Variants in ST18 observed in about 807,000 individuals in gnomAD.
ST18 encodes the protein suppression of tumorigenicity 18 protein.
In ST18, 50 loss-of-function variants were observed where a neutral mutation model predicts 110.0. The ratio of observed to expected loss-of-function variants is 0.45; its 90% CI spans 0.36 to 0.58. The LOEUF (loss-of-function observed/expected upper bound fraction) is 0.58. ST18 is among the 20% of genes least tolerant of loss of function. The probability of loss-of-function intolerance (pLI) is 0.00; values close to 1 mark genes in which losing one functional copy is unlikely to be tolerated. For missense variants in ST18, 1,306 were observed against 1,280.1 expected (o/e 1.02, Z -0.31); for synonymous variants, 461 against 452.4 (o/e 1.02, Z -0.24).
chr8:52,313,186 C>G (rs978058306), intron 2 of ST18: 1 of 152,774 alleles, frequency 6.5e-6, no homozygotes, highest in African/African-American at 2.4e-5. Context: ...GTACCTTGAA[C>G]TCTTTCATGA....
At chr8:52,370,670 C>T (rs550580306) in intron 2 of ST18, among the ~76,000 whole-genome samples, 15 of 152,276 alleles carry the variant, frequency 9.9e-5, no homozygotes, top group African/African-American at 1.7e-4. Context: ...TTCCTCATGA[C>T]GGCCTGCATC....
chr8:52,260,554 T>C (rs1326258350), intron 2 of ST18, among the ~76,000 whole-genome samples: 1 of 152,086 alleles, frequency 6.6e-6, no homozygotes, highest in Non-Finnish European at 1.5e-5. Context: ...TCCTGAAGTG[T>C]TCAACTACTT....
intron 22 of ST18, among the ~76,000 whole-genome samples, chr8:52,129,010 A>G (rs1439436920): frequency 6.6e-6 from 1 of 152,182 alleles, no homozygotes; most frequent in East Asian, 1.9e-4. Flanking sequence ...TATGTAACAT[A>G]TAAAAGCCAG....
chr8:52,336,583 G>C (rs1380702781), intron 2 of ST18, among the ~76,000 whole-genome samples: 3 of 152,188 alleles, frequency 2.0e-5, no homozygotes, highest in African/African-American at 7.2e-5. Context: ...AAAAGCAATG[G>C]CACCAGTATT....
At chr8:52,161,605 A>G (rs778049370) in intron 13 of ST18, 37 bp from the exon 14 acceptor site, 19 of 1,605,984 alleles carry the variant, frequency 1.2e-5, no homozygotes, top group Middle Eastern at 1.7e-4. Context: ...AAGAAATACA[A>G]TGAAACTACT....
intron 2 of ST18, among the ~76,000 whole-genome samples, chr8:52,258,469 G>A (rs933234078): frequency 6.6e-6 from 1 of 152,082 alleles, no homozygotes; most frequent in Admixed American, 6.5e-5. Flanking sequence ...TTTTTATGGT[G>A]TTCAGAGTTA....
chr8:52,230,335 TTATAAG>T (rs377461153), intron 2 of ST18, among the ~76,000 whole-genome samples: 1 of 152,140 alleles, frequency 6.6e-6, no homozygotes, highest in South Asian at 2.1e-4. Flanking sequence ...ACCCTTTTGT[TTATAAG>T]TATATTTGAG....
At chr8:52,151,452 A>G (rs1457682808) in intron 15 of ST18, among the ~76,000 whole-genome samples, 2 of 152,246 alleles carry the variant, frequency 1.3e-5, no homozygotes, top group African/African-American at 4.8e-5. Context: ...CTCTCGTGAT[A>G]GTTTTAAGCC....
At chr8:52,231,011 C>T (rs1176255039) in intron 2 of ST18, among the ~76,000 whole-genome samples, 1 of 152,084 alleles carries the variant, frequency 6.6e-6, no homozygotes, top group Non-Finnish European at 1.5e-5. Flanking sequence ...GAAACAGACC[C>T]CCAAAATATC....
At chr8:52,356,635 A>G (rs1822871095) in intron 2 of ST18, among the ~76,000 whole-genome samples, 1 of 152,186 alleles carries the variant, frequency 6.6e-6, no homozygotes, top group South Asian at 2.1e-4. Context: ...GATTATGGTC[A>G]TTGAGGAAGC....
chr8:52,329,966 C>T (rs982974893), intron 2 of ST18, among the ~76,000 whole-genome samples: 1 of 152,106 alleles, frequency 6.6e-6, no homozygotes, highest in Non-Finnish European at 1.5e-5. Context: ...CTATGGAGTG[C>T]CACGGTGGGC....
At chr8:52,345,139 T>A (rs1322144714) in intron 2 of ST18, among the ~76,000 whole-genome samples, 1 of 152,140 alleles carries the variant, frequency 6.6e-6, no homozygotes, top group Non-Finnish European at 1.5e-5. Context: ...TTTAAAAATG[T>A]TTCAAGTATT....
chr8:52,309,454 G>A (rs2139681604), intron 2 of ST18, among the ~76,000 whole-genome samples: 1 of 144,822 alleles, frequency 6.9e-6, no homozygotes, highest in East Asian at 2.1e-4. Context: ...CTGGGAAGTG[G>A]AGTTTGCAGT....
At position 52,409,666 on chromosome 8, in the gene ST18, A is replaced by AT. The variant is rs953275540; in HGVS notation, c.-709dup. ...TAAAACACCCACAGTTACCTCAATT[A>AT]TTTTTCTCTCCTTACCTCTAGTATT... On this transcript the variant is annotated 5_prime_UTR_variant, in exon 1 of 26. An upstream open reading frame in the 5' UTR loses its in-frame stop. Coordinates refer to ENST00000689386, the MANE Select transcript of ST18 (RefSeq NM_001352837.2). The AT allele has an allele frequency of 2.0e-5, 3 of 152,008 alleles. No individual in the cohort carries two copies. Among genetic ancestry groups the AT allele is most frequent in the African/African-American group, 7.3e-5 (3 of 41,368 alleles). The allele number at this position is 152,008 out of a possible 1,614,324, so 9.4% of individuals were successfully genotyped here.
chr8:52,263,241 C>A (rs943247022), intron 2 of ST18, among the ~76,000 whole-genome samples: 1 of 152,158 alleles, frequency 6.6e-6, no homozygotes, highest in Non-Finnish European at 1.5e-5. Context: ...CTCCTGGGCT[C>A]CTCCATCTAA....
At chr8:52,167,861 G>A (rs2063538572) in intron 10 of ST18, among the ~76,000 whole-genome samples, 1 of 152,094 alleles carries the variant, frequency 6.6e-6, no homozygotes, top group Non-Finnish European at 1.5e-5. Flanking sequence ...TGCCTGGGGA[G>A]GGTGAGGCTC....
intron 8 of ST18, among the ~76,000 whole-genome samples, chr8:52,200,242 G>A (rs900391271): frequency 1.3e-5 from 2 of 152,180 alleles, no homozygotes; most frequent in Non-Finnish European, 2.9e-5. Context: ...GTGTCAAAAG[G>A]TGACAAATTT....
intron 24 of ST18, 131 bp from the exon 25 acceptor site, chr8:52,116,549 C>T (rs2130453529): frequency 1.2e-6 from 1 of 867,564 alleles, no homozygotes; most frequent in Non-Finnish European, 1.7e-6. Flanking sequence ...TGTAACTTCT[C>T]AGCATGAAGC....
At chr8:52,140,659 T>A (rs2054658556) in intron 17 of ST18, among the ~76,000 whole-genome samples, 1 of 152,088 alleles carries the variant, frequency 6.6e-6, no homozygotes. Flanking sequence ...ATGATTATAT[T>A]CCAAAAATCA....
Sources: allele counts gnomAD v4.1 joint callset (sites outside exome capture counted in the v4.1 genomes callset), GRCh38; gene constraint gnomAD v4.1.1; transcripts MANE v1.5; gene names NCBI Gene and HGNC (gene_info 2026-07-23, HGNC 2026-07-21).